AOPEP: variants seen among roughly 807,000 people sequenced by gnomAD.
The protein encoded by AOPEP is aminopeptidase O (putative).
Under a neutral mutation model 98.1 loss-of-function variants are expected in AOPEP, and 77 were observed. The observed-to-expected ratio is 0.78, with a 90% confidence interval of 0.65 to 0.95. The LOEUF (loss-of-function observed/expected upper bound fraction) is 0.95, where lower values mean the gene tolerates loss of function less well. AOPEP is among the 40% of genes least tolerant of loss of function. The pLI, the probability that AOPEP is intolerant of heterozygous loss-of-function variation, is 0.00. For missense variants in AOPEP, 1,024 were observed against 1,024.7 expected (o/e 1.00, Z 0.01); for synonymous variants, 346 against 365.3 (o/e 0.95, Z 0.60).
chr9:94,893,254 A>G (rs2049077425), intron 5 of AOPEP, among the ~76,000 whole-genome samples: 1 of 152,174 alleles, frequency 6.6e-6, no homozygotes, highest in South Asian at 2.1e-4. Flanking sequence ...ATAGGATAGA[A>G]GGGAACATAA....
intron 1 of AOPEP, among the ~76,000 whole-genome samples, chr9:94,741,365 C>G (rs1297191785): frequency 2.0e-5 from 3 of 151,938 alleles, no homozygotes; most frequent in Non-Finnish European, 4.4e-5. Context: ...CTCCGCCTCC[C>G]AGGTTCACGC....
chr9:94,900,704 T>G lies in AOPEP; in HGVS notation c.1365-23282T>G, dbSNP rs1016836691. On this transcript the variant is annotated intron_variant, in intron 5 of 16. Transcript: ENST00000375315. ...TTTGAAACATTTTTCTCTGCATGTC[T>G]GTATCTTAGTCAACTTTCAGTTTCC... 5.9e-5 allele frequency: 9 copies of G among 152,238 alleles called. No homozygotes were observed. In the South Asian group the frequency reaches 1.0e-3, roughly 18 times the overall value. 9.4% of individuals were successfully genotyped at this position (152,238 alleles called of 1,614,324 possible).
chr9:94,800,724 CAT>C (rs1489298257), intron 4 of AOPEP, 31 bp from the exon 5 acceptor site: 2 of 1,608,898 alleles, frequency 1.2e-6, no homozygotes, highest in Admixed American at 3.3e-5. Context: ...GAATAATAAA[CAT>C]GTTTTACCAT....
chr9:94,840,999 T>A (rs1023465230), intron 5 of AOPEP, among the ~76,000 whole-genome samples: 1 of 152,166 alleles, frequency 6.6e-6, no homozygotes, highest in African/African-American at 2.4e-5. Context: ...ATTCCTGATC[T>A]TACTTTTATT....
chr9:94,801,871 T>C (rs568314719), intron 5 of AOPEP, among the ~76,000 whole-genome samples: 2 of 152,348 alleles, frequency 1.3e-5, no homozygotes, highest in East Asian at 3.9e-4. Context: ...TTAATTCCCA[T>C]GCTTTTGAGC....
chr9:95,099,204 T>C, the AOPEP span: 1 of 217,250 alleles, frequency 4.6e-6, no homozygotes, highest in Non-Finnish European at 9.2e-6. Context: ...TATTTTTGGC[T>C]CTCTCTGAGG....
At chr9:95,140,528 A>C in the AOPEP span, among the ~76,000 whole-genome samples, 2 of 152,208 alleles carry the variant, frequency 1.3e-5, no homozygotes, top group African/African-American at 4.8e-5. Flanking sequence ...ATTCTTCACA[A>C]GAAAGGTTCT....
intron 14 of AOPEP, among the ~76,000 whole-genome samples, chr9:95,064,282 T>C (rs1369871931): frequency 6.6e-6 from 1 of 152,114 alleles, no homozygotes; most frequent in African/African-American, 2.4e-5. Flanking sequence ...TGGGTCTAGG[T>C]CTCCTCTACC....
chr9:94,959,123 A>G (rs749727251), intron 9 of AOPEP, among the ~76,000 whole-genome samples: 8 of 151,940 alleles, frequency 5.3e-5, no homozygotes, highest in Non-Finnish European at 8.8e-5. Flanking sequence ...GGCTCACTGC[A>G]AGCTCCGCCT....
chr9:95,098,329 T>G, the AOPEP span, among the ~76,000 whole-genome samples: 1 of 87,390 alleles, frequency 1.1e-5, no homozygotes, highest in African/African-American at 2.9e-5. Flanking sequence ...TCCCCTGGAC[T>G]AGCTCCCATT....
At chr9:95,150,144 C>T in the AOPEP span, 8 of 1,591,550 alleles carry the variant, frequency 5.0e-6, no homozygotes, top group Non-Finnish European at 6.9e-6. Context: ...TAATTAAGGA[C>T]ATATAAAAAC....
chr9:94,784,422 C>T (rs1843952439), intron 3 of AOPEP, among the ~76,000 whole-genome samples: 1 of 152,148 alleles, frequency 6.6e-6, no homozygotes, highest in African/African-American at 2.4e-5. Context: ...AGTTCTCTCT[C>T]CTCTCATGAA....
At chr9:94,854,037 C>T (rs572650666) in intron 5 of AOPEP, among the ~76,000 whole-genome samples, 1 of 152,226 alleles carries the variant, frequency 6.6e-6, no homozygotes, top group Non-Finnish European at 1.5e-5. Context: ...TAAGAGAAGA[C>T]TGCTTTGTTT....
intron 1 of AOPEP, 21 bp from the exon 2 acceptor site, chr9:94,759,628 T>C: frequency 1.6e-6 from 1 of 627,908 alleles, no homozygotes; most frequent in South Asian, 2.2e-5. Flanking sequence ...TTTATCTAAT[T>C]GTGCTTTCCT....
At chr9:95,014,978 G>A (rs1589268839) in intron 13 of AOPEP, among the ~76,000 whole-genome samples, 2 of 152,304 alleles carry the variant, frequency 1.3e-5, no homozygotes, top group African/African-American at 4.8e-5. Context: ...TGGCCATGGG[G>A]AGATCAAACA....
At chr9:94,985,971 C>A (rs1025005052) in intron 11 of AOPEP, among the ~76,000 whole-genome samples, 1 of 152,222 alleles carries the variant, frequency 6.6e-6, no homozygotes, top group African/African-American at 2.4e-5. Context: ...TTATTAAAAT[C>A]TTTTCATTTT....
chr9:95,104,011 G>A, the AOPEP span, among the ~76,000 whole-genome samples: 1 of 152,172 alleles, frequency 6.6e-6, no homozygotes, highest in South Asian at 2.1e-4. Flanking sequence ...GCTAGGTCCT[G>A]AGGGTGGAGA....
At chr9:95,065,896 T>C (rs942959750) in intron 14 of AOPEP, among the ~76,000 whole-genome samples, 3 of 152,218 alleles carry the variant, frequency 2.0e-5, no homozygotes, top group Non-Finnish European at 4.4e-5. Context: ...GTCTGAACTT[T>C]AGAACATGGC....
At chr9:94,892,036 T>A (rs1414059566) in intron 5 of AOPEP, among the ~76,000 whole-genome samples, 1 of 152,216 alleles carries the variant, frequency 6.6e-6, no homozygotes, top group East Asian at 1.9e-4. Context: ...TAGTTTCAGA[T>A]GGGACAACCA....
Sources: allele counts gnomAD v4.1 joint callset (sites outside exome capture counted in the v4.1 genomes callset), GRCh38; gene constraint gnomAD v4.1.1; transcripts MANE v1.5; gene names NCBI Gene and HGNC (gene_info 2026-07-23, HGNC 2026-07-21).